BANK1: variants seen among roughly 807,000 people sequenced by gnomAD.
BANK1 encodes B-cell scaffold protein with ankyrin repeats.
In BANK1, 95 loss-of-function variants were observed where a neutral mutation model predicts 94.5. The observed-to-expected ratio is 1.00, with a 90% CI of 0.85 to 1.19. The LOEUF (loss-of-function observed/expected upper bound fraction) is 1.19. BANK1 is among the 50% of genes most tolerant of loss of function. The probability of loss-of-function intolerance (pLI) is 0.00; values close to 1 mark genes in which losing one functional copy is unlikely to be tolerated. For missense variants in BANK1, 987 were observed against 932.2 expected, an observed-to-expected ratio of 1.06 and a Z score of -0.77; for synonymous variants, 334 against 308.4, an observed-to-expected ratio of 1.08 and a Z score of -0.87.
chr4:101,802,514 C>A (rs1301213310), intron 1 of BANK1, among the ~76,000 whole-genome samples: 2 of 152,102 alleles, frequency 1.3e-5, no homozygotes, highest in Non-Finnish European at 2.9e-5. Context: ...TTTTATATAT[C>A]TTTTATGAGG....
chr4:101,820,787 C>T (rs754270404), intron 1 of BANK1, among the ~76,000 whole-genome samples: 3 of 152,080 alleles, frequency 2.0e-5, no homozygotes, highest in Non-Finnish European at 4.4e-5. Context: ...CATTCATGTT[C>T]CCACAAGACG....
At chr4:101,927,589 C>T (rs1295342091) in intron 7 of BANK1, among the ~76,000 whole-genome samples, 1 of 151,460 alleles carries the variant, frequency 6.6e-6, no homozygotes, top group Non-Finnish European at 1.5e-5. Flanking sequence ...CAAAGACAAC[C>T]AGAAGTGGTT....
At chr4:101,932,920 G>T (rs1202252612) in intron 7 of BANK1, among the ~76,000 whole-genome samples, 1 of 151,444 alleles carries the variant, frequency 6.6e-6, no homozygotes, top group Non-Finnish European at 1.5e-5. Flanking sequence ...TTGTAAAATG[G>T]ATCTGGCAAA....
At chr4:101,888,480 C>A (rs946020925) in intron 5 of BANK1, among the ~76,000 whole-genome samples, 9 of 152,150 alleles carry the variant, frequency 5.9e-5, no homozygotes, top group Admixed American at 1.3e-4. Context: ...GATCTTGAAG[C>A]CATGGGAGCA....
intron 5 of BANK1, among the ~76,000 whole-genome samples, chr4:101,871,141 T>A (rs1456844502): frequency 6.6e-6 from 1 of 152,152 alleles, no homozygotes; most frequent in Non-Finnish European, 1.5e-5. Context: ...TTTTCTTAGT[T>A]TCATTTATCA....
intron 2 of BANK1, among the ~76,000 whole-genome samples, chr4:101,848,948 C>G (rs1467762814): frequency 6.6e-6 from 1 of 152,178 alleles, no homozygotes; most frequent in Non-Finnish European, 1.5e-5. Context: ...CTAGCTGCAT[C>G]ATAGGCTTAT....
At position 101,862,510 on chromosome 4, in the gene BANK1, C is replaced by A; in HGVS notation, c.625-16C>A. 4.4e-6 allele frequency: 7 copies of A among 1,588,064 alleles called. No individual in the cohort carries two copies. Among genetic ancestry groups the A allele is most frequent in the Non-Finnish European group, 6.0e-6 (7 of 1,169,660 alleles). ...CTTTTCCAAATGCTTAAATGGGTTA[C>A]ATTTTCATCTTACAGAATCCTGGTG... On this transcript the variant is annotated splice_polypyrimidine_tract_variant and intron_variant, in intron 3 of 16. Transcript: ENST00000322953.
chr4:101,916,172 A>T (rs1277259886), intron 6 of BANK1, among the ~76,000 whole-genome samples: 1 of 151,790 alleles, frequency 6.6e-6, no homozygotes, highest in East Asian at 1.9e-4. Context: ...TATAATTTTG[A>T]CCCCCAACCC....
At chr4:101,875,445 A>G (rs904110871) in intron 5 of BANK1, among the ~76,000 whole-genome samples, 1 of 152,106 alleles carries the variant, frequency 6.6e-6, no homozygotes, top group Non-Finnish European at 1.5e-5. Flanking sequence ...ACTTACAATC[A>G]TGGTGGAAGA....
intron 6 of BANK1, among the ~76,000 whole-genome samples, chr4:101,908,164 G>A (rs1373516785): frequency 2.6e-5 from 4 of 152,242 alleles, no homozygotes; most frequent in South Asian, 2.1e-4. Flanking sequence ...TGTCCTACAA[G>A]GCTACAGTAA....
At chr4:101,994,723 G>T (rs187667811) in intron 7 of BANK1, among the ~76,000 whole-genome samples, 8 of 152,102 alleles carry the variant, frequency 5.3e-5, no homozygotes, top group East Asian at 3.9e-4. Context: ...GATTCCTATC[G>T]TATCTTTCTC....
At chr4:101,860,022 CTT>C (rs936826868) in intron 3 of BANK1, among the ~76,000 whole-genome samples, 11 of 152,080 alleles carry the variant, frequency 7.2e-5, no homozygotes, top group African/African-American at 2.7e-4. Flanking sequence ...TTCTAAAACT[CTT>C]TGTGAGCTGA....
At position 102,006,281 on chromosome 4, in the gene BANK1, A is replaced by C. The variant is rs189276890; in HGVS notation, c.1207-15233A>C. ...GTATTTGTTTTTAATCTCTGTTCTCATGTTTCTCCCTCATGGATGCACAGT... is the reference window on the plus strand; with the variant it reads ...GTATTTGTTTTTAATCTCTGTTCTCCTGTTTCTCCCTCATGGATGCACAGT... On this transcript the variant is annotated intron_variant, in intron 7 of 16. Coordinates refer to ENST00000322953, the MANE Select transcript of BANK1 (RefSeq NM_017935.5). Among the ~76,000 whole-genome samples the C allele has an allele frequency of 1.4e-4, 21 of 152,136 alleles. 1 individual carries two copies. The highest frequency in any genetic ancestry group is 3.4e-3 in the Middle Eastern group (1 of 294).
chr4:101,899,448 A>G (rs751275708), intron 6 of BANK1, among the ~76,000 whole-genome samples: 20 of 152,202 alleles, frequency 1.3e-4, no homozygotes, highest in Non-Finnish European at 2.4e-4. Context: ...TAATTTTAGC[A>G]TATTCTCAAG....
chr4:102,066,169 C>T (rs1728584206), intron 13 of BANK1, among the ~76,000 whole-genome samples: 1 of 150,578 alleles, frequency 6.6e-6, no homozygotes, highest in Admixed American at 6.6e-5. Flanking sequence ...TGAAAGCAGC[C>T]AGAGAAAACA....
chr4:101,947,867 T>C (rs943698130), intron 7 of BANK1, among the ~76,000 whole-genome samples: 1 of 152,036 alleles, frequency 6.6e-6, no homozygotes, highest in Non-Finnish European at 1.5e-5. Context: ...AAAAATTCAT[T>C]TCTCCCTTTC....
intron 1 of BANK1, chr4:101,813,736 T>A: frequency 3.9e-6 from 1 of 254,170 alleles, no homozygotes; most frequent in African/African-American, 2.3e-5. Context: ...ATGCAGAAGT[T>A]ATGTTTACTG....
chr4:101,996,539 A>T (rs924711163), intron 7 of BANK1, among the ~76,000 whole-genome samples: 1 of 152,084 alleles, frequency 6.6e-6, no homozygotes, highest in Non-Finnish European at 1.5e-5. Context: ...TTTTCATTAT[A>T]TTGATTCTTC....
intron 13 of BANK1, among the ~76,000 whole-genome samples, chr4:102,065,124 G>A (rs957144910): frequency 2.0e-5 from 3 of 152,342 alleles, no homozygotes; most frequent in Admixed American, 2.0e-4. Context: ...CAGCCTGGGA[G>A]TGTTTAAGTT....
Sources: allele counts gnomAD v4.1 joint callset (sites outside exome capture counted in the v4.1 genomes callset), GRCh38; gene constraint gnomAD v4.1.1; transcripts MANE v1.5; gene names NCBI Gene and HGNC (gene_info 2026-07-23, HGNC 2026-07-21).